The following UBAP1 variants were observed in gnomAD, a reference collection of about 807,000 sequenced individuals.
UBAP1 encodes the protein ubiquitin associated protein 1.
A neutral mutation model predicts 39.0 loss-of-function variants in UBAP1; 5 were observed. The observed-to-expected ratio is 0.13, with a 90% CI of 0.07 to 0.27. The LOEUF (loss-of-function observed/expected upper bound fraction) is 0.27, where lower values mean the gene tolerates loss of function less well. UBAP1 is among the 10% of genes least tolerant of loss of function. The pLI, the probability that UBAP1 is intolerant of heterozygous loss-of-function variation, is 1.00. For synonymous variants in UBAP1, 211 were observed against 225.1 expected (o/e 0.94, Z 0.56); for missense variants, 490 against 608.1 (o/e 0.81, Z 2.04).
intron 1 of UBAP1, among the ~76,000 whole-genome samples, chr9:34,214,519 C>T (rs1276647564): frequency 1.3e-5 from 2 of 152,072 alleles, no homozygotes; most frequent in African/African-American, 2.4e-5. Context: ...GACTTAACGA[C>T]CTGAAGCTAT....
At position 34,242,244 on chromosome 9, in the gene UBAP1, G is replaced by A. The variant is rs7857658; in HGVS notation, c.1083+136G>A. The A allele has an allele frequency of 0.36, 319,746 of 888,334 alleles. 62,091 individuals are homozygous for A. The highest frequency in any genetic ancestry group is 0.69 in the East Asian group (27,443 of 39,804). 55.0% of individuals were successfully genotyped at this position (888,334 alleles called of 1,614,324 possible). A position where few individuals can be genotyped will look rare whatever the true frequency, so the allele number is the denominator to read the frequency against. Reference sequence around the variant, plus strand: ...CAGGCTGGAATGCAGTGGTGTGATCGTACCTTATTGTAGCCTCGACCTCCC... The same window carrying A: ...CAGGCTGGAATGCAGTGGTGTGATCATACCTTATTGTAGCCTCGACCTCCC... On this transcript the variant is annotated intron_variant, in intron 4 of 6. Coordinates refer to ENST00000297661, the MANE Select transcript of UBAP1 (RefSeq NM_016525.5).
At chr9:34,216,342 A>G (rs1224960115) in intron 1 of UBAP1, among the ~76,000 whole-genome samples, 1 of 152,082 alleles carries the variant, frequency 6.6e-6, no homozygotes, top group Non-Finnish European at 1.5e-5. Context: ...CCTTCACTCC[A>G]AAGGAGACCC....
At chr9:34,235,297 GTATA>G (rs772745740) in intron 3 of UBAP1, among the ~76,000 whole-genome samples, 1 of 133,370 alleles carries the variant, frequency 7.5e-6, no homozygotes, top group Non-Finnish European at 1.6e-5. Context: ...GTGTATATGT[GTATA>G]TATATATGTG....
chr9:34,190,802 CTTT>C (rs373942127), intron 1 of UBAP1, among the ~76,000 whole-genome samples: 1 of 116,646 alleles, frequency 8.6e-6, no homozygotes, highest in Non-Finnish European at 1.7e-5. Flanking sequence ...ATGCCTGGCT[CTTT>C]TTTTTTTTTT....
intron 1 of UBAP1, among the ~76,000 whole-genome samples, chr9:34,209,274 A>G (rs1336213814): frequency 2.0e-5 from 3 of 152,060 alleles, no homozygotes; most frequent in Admixed American, 6.6e-5. Flanking sequence ...GAAATTTATC[A>G]TGGTTTTCTT....
intron 1 of UBAP1, among the ~76,000 whole-genome samples, chr9:34,202,637 G>GTA (rs1563895075): frequency 5.1e-4 from 65 of 128,040 alleles, no homozygotes; most frequent in African/African-American, 1.6e-3. Context: ...GTGTGTGTGT[G>GTA]TGTGTGTGTG....
chr9:34,221,369 A>C (rs1169160312), intron 2 of UBAP1, among the ~76,000 whole-genome samples: 1 of 151,960 alleles, frequency 6.6e-6, no homozygotes, highest in Non-Finnish European at 1.5e-5. Context: ...CTCTACTAAA[A>C]ATACAAAAAA....
At chr9:34,224,462 C>A in intron 2 of UBAP1, 1 of 388,782 alleles carries the variant, frequency 2.6e-6, no homozygotes. Context: ...CCTTAGGGCA[C>A]GGTATTTCTT....
At chr9:34,201,932 T>C (rs1375536682) in intron 1 of UBAP1, among the ~76,000 whole-genome samples, 3 of 152,146 alleles carry the variant, frequency 2.0e-5, no homozygotes, top group African/African-American at 7.2e-5. Context: ...AGAAACTCTT[T>C]TATGTTTACT....
intron 2 of UBAP1, among the ~76,000 whole-genome samples, chr9:34,227,692 C>T (rs868519788): frequency 2.5e-4 from 38 of 152,202 alleles, no homozygotes; most frequent in African/African-American, 8.2e-4. Flanking sequence ...GGAACTGCCA[C>T]AACCGCAGCC....
intron 1 of UBAP1, among the ~76,000 whole-genome samples, chr9:34,182,651 CTTTCTTTCTTTCTTTCTTTCTTTCTT>C (rs1240180232): frequency 1.6e-3 from 93 of 59,670 alleles, no homozygotes; most frequent in African/African-American, 3.6e-3. Context: ...TTCTTTCTTT[CTTTCTTTCTTTCTTTCTTTCTTTCTT>C]TCTTTCTCTC....
chr9:34,233,739 G>A (rs1833546816), intron 2 of UBAP1, among the ~76,000 whole-genome samples: 1 of 152,226 alleles, frequency 6.6e-6, no homozygotes, highest in African/African-American at 2.4e-5. Context: ...TGAGGGTGGG[G>A]TAGTACTTTT....
At chr9:34,194,319 C>CTT (rs562506841) in intron 1 of UBAP1, among the ~76,000 whole-genome samples, 2 of 143,756 alleles carry the variant, frequency 1.4e-5, no homozygotes, top group Non-Finnish European at 1.5e-5. Context: ...AATTCTCTCT[C>CTT]TTTTTTTTTT....
intron 1 of UBAP1, among the ~76,000 whole-genome samples, chr9:34,199,456 TAGTACAGAG>T (rs936039765): frequency 1.5e-4 from 23 of 152,310 alleles, no homozygotes; most frequent in East Asian, 1.3e-3. Context: ...TTTGTAGAGA[TAGTACAGAG>T]AGTACAGAGA....
intron 3 of UBAP1, among the ~76,000 whole-genome samples, chr9:34,236,532 G>A (rs376457237): frequency 1.4e-4 from 21 of 152,088 alleles, no homozygotes; most frequent in Non-Finnish European, 1.8e-4. Flanking sequence ...CTGTTAGATT[G>A]TATATTCCTG....
rs942327853 is a variant in UBAP1 at position 34,240,632 on chromosome 9, T to G, written c.160-553T>G. Among the ~76,000 whole-genome samples, 66 of 152,196 alleles carry G rather than the reference T, an allele frequency of 4.3e-4. 1 individual carries two copies. The highest frequency in any genetic ancestry group is 6.5e-4 in the Non-Finnish European group (44 of 68,032). On this transcript the variant is annotated intron_variant, in intron 3 of 6. Transcript: ENST00000297661. ...ATCTTAATCTGATTTCTTATAAGTTTTTCTGCATTTTAACTGCAACCTGTT... is the reference window on the plus strand; with the variant it reads ...ATCTTAATCTGATTTCTTATAAGTTGTTCTGCATTTTAACTGCAACCTGTT...
intron 2 of UBAP1, among the ~76,000 whole-genome samples, chr9:34,226,862 TG>T (rs1833135146): frequency 6.6e-6 from 1 of 152,232 alleles, no homozygotes; most frequent in African/African-American, 2.4e-5. Flanking sequence ...TTTTCTTTTC[TG>T]ATAATGCATT....
At chr9:34,230,960 T>C (rs1404727016) in intron 2 of UBAP1, among the ~76,000 whole-genome samples, 5 of 152,108 alleles carry the variant, frequency 3.3e-5, no homozygotes, top group African/African-American at 9.6e-5. Flanking sequence ...GGAAGAATGC[T>C]TGAGCCCAGG....
intron 1 of UBAP1, among the ~76,000 whole-genome samples, chr9:34,207,381 G>C (rs1224912305): frequency 6.8e-6 from 1 of 146,706 alleles, no homozygotes; most frequent in African/African-American, 2.5e-5. Context: ...TTTAGAATCA[G>C]CTTGTCTAAT....
Sources: allele counts gnomAD v4.1 joint callset (sites outside exome capture counted in the v4.1 genomes callset), GRCh38; gene constraint gnomAD v4.1.1; transcripts MANE v1.5; gene names NCBI Gene and HGNC (gene_info 2026-07-23, HGNC 2026-07-21).